The following CLNK variants were observed in gnomAD, a reference collection of about 807,000 sequenced individuals.
CLNK encodes the protein cytokine dependent hematopoietic cell linker.
CLNK carries 74 observed loss-of-function variants against 68.6 expected under a neutral mutation model. The ratio of observed to expected loss-of-function variants is 1.08; its 90% confidence interval spans 0.89 to 1.31. The LOEUF is 1.31. CLNK is among the 50% of genes most tolerant of loss of function. The probability of loss-of-function intolerance (pLI) is 0.00; values close to 1 mark genes in which losing one functional copy is unlikely to be tolerated. For missense variants in CLNK, 553 were observed against 515.3 expected (o/e 1.07, Z -0.71); for synonymous variants, 198 against 172.2 (o/e 1.15, Z -1.17).
At chr4:10,625,699 C>G (rs922311292) in intron 2 of CLNK, among the ~76,000 whole-genome samples, 5 of 151,738 alleles carry the variant, frequency 3.3e-5, no homozygotes, top group Non-Finnish European at 7.4e-5. Flanking sequence ...GACAGACAGG[C>G]AGAGATAGAG....
intron 8 of CLNK, 91 bp from the exon 9 acceptor site, chr4:10,542,371 G>C: frequency 1.2e-6 from 1 of 837,030 alleles, no homozygotes; most frequent in South Asian, 1.6e-5. Flanking sequence ...ATTTTTATTT[G>C]TAATAATATT....
chr4:10,663,818 G>T (rs1478856699), intron 2 of CLNK, among the ~76,000 whole-genome samples: 1 of 152,208 alleles, frequency 6.6e-6, no homozygotes, highest in African/African-American at 2.4e-5. Flanking sequence ...TTTGGGGGCT[G>T]ATTAGGCCAA....
intron 3 of CLNK, among the ~76,000 whole-genome samples, chr4:10,589,233 A>T (rs914054642): frequency 1.3e-4 from 20 of 152,226 alleles, no homozygotes; most frequent in African/African-American, 4.3e-4. Context: ...TACAACTTAG[A>T]TGAGTTCAGT....
At chr4:10,538,409 G>T (rs746965552) in intron 11 of CLNK, among the ~76,000 whole-genome samples, 1 of 152,340 alleles carries the variant, frequency 6.6e-6, no homozygotes, top group East Asian at 1.9e-4. Flanking sequence ...GATTAGAGGC[G>T]TAAGCCATTA....
chr4:10,733,738 T>C, the CLNK span, among the ~76,000 whole-genome samples: 2 of 152,342 alleles, frequency 1.3e-5, no homozygotes, highest in East Asian at 3.9e-4. Flanking sequence ...GCTTGTTGTA[T>C]TTTGTCCAGA....
At chr4:10,702,309 A>C in the CLNK span, among the ~76,000 whole-genome samples, 1 of 152,116 alleles carries the variant, frequency 6.6e-6, no homozygotes, top group Non-Finnish European at 1.5e-5. Context: ...GGAAATATGC[A>C]CAAAGTAGAC....
chr4:10,523,494 C>T (rs1242882605), intron 14 of CLNK, among the ~76,000 whole-genome samples: 1 of 152,040 alleles, frequency 6.6e-6, no homozygotes, highest in Non-Finnish European at 1.5e-5. Flanking sequence ...CTGACGAATA[C>T]CAACATTTGG....
chr4:10,680,415 C>T (rs1725053303), intron 1 of CLNK, among the ~76,000 whole-genome samples: 1 of 150,262 alleles, frequency 6.7e-6, no homozygotes, highest in South Asian at 2.1e-4. Flanking sequence ...ATACCTAATG[C>T]TAAATGATGA....
At chr4:10,706,966 CA>C in the CLNK span, among the ~76,000 whole-genome samples, 1 of 152,090 alleles carries the variant, frequency 6.6e-6, no homozygotes, top group Non-Finnish European at 1.5e-5. Context: ...CTTTTTAGTA[CA>C]GACAGGGTTT....
chr4:10,493,413 G>T (rs544395969), intron 18 of CLNK, among the ~76,000 whole-genome samples: 1 of 152,166 alleles, frequency 6.6e-6, no homozygotes, highest in Non-Finnish European at 1.5e-5. Context: ...GTCCAAGATC[G>T]AGGCACTGGC....
In CLNK at chr4:10,672,098, T is replaced by C. The variant is rs527570124; in HGVS notation, c.-42-4187A>G. 2.6e-5 allele frequency among the ~76,000 whole-genome samples: 4 copies of C among 152,250 alleles called. No individual in the cohort carries two copies. In the South Asian group the frequency reaches 8.3e-4, roughly 32 times the overall value. On this transcript the variant is annotated intron_variant, in intron 1 of 18. Transcript: ENST00000226951. ...CCAAGACAACCCTAAAAAAACCACC[T>C]AAAGTTCCTGCCTAACAATCAATAG...
At chr4:10,596,625 A>G (rs925663937) in intron 3 of CLNK, among the ~76,000 whole-genome samples, 10 of 152,248 alleles carry the variant, frequency 6.6e-5, no homozygotes, top group African/African-American at 2.4e-4. Flanking sequence ...ATATTCATAT[A>G]ATGCATTCAT....
chr4:10,652,680 A>G (rs1335030255), intron 2 of CLNK, among the ~76,000 whole-genome samples: 1 of 152,194 alleles, frequency 6.6e-6, no homozygotes, highest in Non-Finnish European at 1.5e-5. Flanking sequence ...TCAATCATAC[A>G]TGTATTTGCA....
chr4:10,595,636 C>G (rs6854853), intron 3 of CLNK, among the ~76,000 whole-genome samples: 109,273 of 151,898 alleles, frequency 0.72, 39,608 homozygotes, highest in East Asian at 0.78. Context: ...CTGCAGGAGA[C>G]TTAACTCCCA....
At chr4:10,659,707 A>G (rs1174191217) in intron 2 of CLNK, among the ~76,000 whole-genome samples, 1 of 152,198 alleles carries the variant, frequency 6.6e-6, no homozygotes, top group African/African-American at 2.4e-5. Flanking sequence ...TATGGCAAGT[A>G]CTTCTTTCCT....
intron 1 of CLNK, among the ~76,000 whole-genome samples, chr4:10,683,284 G>T (rs1349666329): frequency 6.6e-6 from 1 of 152,186 alleles, no homozygotes; most frequent in Non-Finnish European, 1.5e-5. Flanking sequence ...GAATCCCCTG[G>T]TGTTCAGGCC....
chr4:10,655,329 A>AG (rs1491306508), intron 2 of CLNK, among the ~76,000 whole-genome samples: 4,695 of 131,744 alleles, frequency 0.036, 278 homozygotes, highest in African/African-American at 0.12. Context: ...TAAAACCCCC[A>AG]AAGACAGAGA....
At chr4:10,614,427 C>T (rs1192979979) in intron 2 of CLNK, among the ~76,000 whole-genome samples, 2 of 152,138 alleles carry the variant, frequency 1.3e-5, no homozygotes, top group East Asian at 3.8e-4. Context: ...AGGAACTCTC[C>T]TCCGCAGACT....
intron 1 of CLNK, among the ~76,000 whole-genome samples, chr4:10,668,551 T>G (rs963126171): frequency 2.6e-5 from 4 of 152,038 alleles, no homozygotes; most frequent in Non-Finnish European, 5.9e-5. Context: ...CACTCTCAAA[T>G]TGGGTAATTT....
Sources: gnomAD v4.1 joint callset for allele counts (sites outside exome capture counted in the v4.1 genomes callset) on GRCh38, gnomAD v4.1.1 for gene constraint, MANE v1.5 for transcripts, NCBI Gene and HGNC (gene_info 2026-07-23, HGNC 2026-07-21) for gene names.